Variants in OSMR observed in about 807,000 individuals in gnomAD.
OSMR encodes oncostatin-M-specific receptor subunit beta.
In OSMR, 81 loss-of-function variants were observed where a neutral mutation model predicts 99.9. That is an observed-to-expected ratio of 0.81 (90% CI 0.68 to 0.97). OSMR has a LOEUF of 0.97. Among genes scored for constraint, OSMR ranks in the 50% least tolerant of loss-of-function variants. The pLI is 0.00. For missense variants in OSMR, 1,099 were observed against 1,153.4 expected, an observed-to-expected ratio of 0.95 and a Z score of 0.68; for synonymous variants, 406 against 410.4, an observed-to-expected ratio of 0.99 and a Z score of 0.13.
intron 9 of OSMR, among the ~76,000 whole-genome samples, chr5:38,913,316 G>A (rs867618158): frequency 6.6e-6 from 1 of 152,048 alleles, no homozygotes; most frequent in African/African-American, 2.4e-5. Context: ...TTGGGAGGCC[G>A]AGGCAGGAGA....
intron 2 of OSMR, among the ~76,000 whole-genome samples, chr5:38,870,548 G>A (rs987694355): frequency 2.0e-5 from 3 of 152,062 alleles, no homozygotes; most frequent in Non-Finnish European, 2.9e-5. Context: ...AGGTGTAACC[G>A]AAATGCAGGT....
At chr5:38,847,494 C>CT (rs61244437) in intron 1 of OSMR, among the ~76,000 whole-genome samples, 37,590 of 152,022 alleles carry the variant, frequency 0.25, 4,873 homozygotes, top group South Asian at 0.4. Context: ...AGCTCAAACT[C>CT]TAAGACTGGG....
In OSMR at chr5:38,886,137, A is replaced by C. The variant is rs763467845; in HGVS notation, c.938A>C (p.Glu313Ala). Residue 313 changes from glutamate (E) to alanine (A), a missense_variant, in exon 7 of 18, where the codon GAA becomes GCA. Glu to Ala is a moderately radical substitution (Grantham distance 107). Transcript: ENST00000274276. Reference sequence around the variant, plus strand: ...ACCTATAACTTCACACTCATAGCTGAAAATTACTTAAGGAAGAGAAGTGTC... The same window carrying C: ...ACCTATAACTTCACACTCATAGCTGCAAATTACTTAAGGAAGAGAAGTGTC... ...QETYNFTLIA[E>A]NYLRKRSVNI... The C allele has an allele frequency of 1.4e-5, 23 of 1,613,996 alleles. No individual in the cohort carries two copies. The East Asian group carries it at 4.7e-4, about 33-fold the overall frequency.
chr5:38,857,111 T>A (rs992345330), intron 1 of OSMR, among the ~76,000 whole-genome samples: 2 of 152,198 alleles, frequency 1.3e-5, no homozygotes, highest in African/African-American at 4.8e-5. Context: ...TAGTCTTAAG[T>A]TTTTCTGCCC....
chr5:38,943,203 T>G, intron 1 of OSMR: 1 of 390,038 alleles, frequency 2.6e-6, no homozygotes, highest in East Asian at 3.9e-5. Context: ...ATACTTCTTG[T>G]AAAATTGAAG....
intron 1 of OSMR, among the ~76,000 whole-genome samples, chr5:38,862,776 G>A (rs1317870563): frequency 1.3e-5 from 2 of 152,116 alleles, no homozygotes; most frequent in Non-Finnish European, 2.9e-5. Flanking sequence ...GCCGGGCAGA[G>A]GCTGCAATCT....
intron 15 of OSMR, among the ~76,000 whole-genome samples, chr5:38,927,268 TC>T (rs1746513355): frequency 6.6e-6 from 1 of 152,178 alleles, no homozygotes; most frequent in African/African-American, 2.4e-5. Context: ...TTCTCACAGC[TC>T]CACTAGGCAG....
intron 7 of OSMR, among the ~76,000 whole-genome samples, chr5:38,900,748 G>A (rs923476098): frequency 6.9e-6 from 1 of 145,722 alleles, no homozygotes; most frequent in South Asian, 2.2e-4. Flanking sequence ...CTGGACAGAT[G>A]TCCTTGTAGA....
At chr5:38,923,308 A>G (rs1746321790) in intron 13 of OSMR, 54 bp downstream of exon 13, 1 of 1,124,878 alleles carries the variant, frequency 8.9e-7, no homozygotes, top group Admixed American at 1.7e-5. Context: ...AGAACAATTC[A>G]TAGATTCCTA....
intron 7 of OSMR, among the ~76,000 whole-genome samples, chr5:38,898,948 A>ATTTTTTT (rs1561381072): frequency 1.8e-5 from 2 of 108,952 alleles, no homozygotes; most frequent in Admixed American, 8.6e-5. Context: ...TTTACATAAT[A>ATTTTTTT]TCTTTTTTTT....
intron 1 of OSMR, among the ~76,000 whole-genome samples, chr5:38,861,975 A>T (rs1741403176): frequency 9.5e-6 from 1 of 105,378 alleles, no homozygotes; most frequent in Non-Finnish European, 1.9e-5. Context: ...CGGGGGACTG[A>T]CCCCCTCACC....
intron 11 of OSMR, among the ~76,000 whole-genome samples, chr5:38,920,696 A>G (rs1379320289): frequency 6.6e-6 from 1 of 152,218 alleles, no homozygotes. Flanking sequence ...CAGGTAAAAT[A>G]CAGGATGCCC....
chr5:38,874,516 T>C (rs1172624390), intron 2 of OSMR, among the ~76,000 whole-genome samples: 1 of 152,222 alleles, frequency 6.6e-6, no homozygotes, highest in African/African-American at 2.4e-5. Context: ...CTTTCTACTA[T>C]GTGGACCAAT....
chr5:38,929,412 T>C (rs1460929934), intron 15 of OSMR, among the ~76,000 whole-genome samples: 1 of 152,232 alleles, frequency 6.6e-6, no homozygotes, highest in Non-Finnish European at 1.5e-5. Flanking sequence ...TGTTTTTATA[T>C]TTGGACATTT....
At chr5:38,881,968 C>T (rs990925816) in intron 4 of OSMR, among the ~76,000 whole-genome samples, 1 of 152,326 alleles carries the variant, frequency 6.6e-6, no homozygotes, top group South Asian at 2.1e-4. Context: ...TGAACTTACT[C>T]ATTGAGATAG....
At chr5:38,854,014 C>A (rs1740659790) in intron 1 of OSMR, among the ~76,000 whole-genome samples, 1 of 151,092 alleles carries the variant, frequency 6.6e-6, no homozygotes, top group Non-Finnish European at 1.5e-5. Flanking sequence ...TTCAAAGGGG[C>A]TCTCAAATAT....
intron 17 of OSMR, 165 bp from the exon 18 acceptor site, chr5:38,932,707 A>T (rs770753706): frequency 1.2e-5 from 12 of 985,256 alleles, no homozygotes; most frequent in Non-Finnish European, 1.4e-5. Flanking sequence ...TTCTTCTGTC[A>T]GGGGAAATCT....
chr5:38,872,173 AC>A (rs1438145383), intron 2 of OSMR, among the ~76,000 whole-genome samples: 1 of 152,218 alleles, frequency 6.6e-6, no homozygotes, highest in Non-Finnish European at 1.5e-5. Context: ...CACTGACTTA[AC>A]CTTGGCATTT....
intron 1 of OSMR, among the ~76,000 whole-genome samples, chr5:38,868,476 G>T (rs573805336): frequency 4.6e-5 from 7 of 152,288 alleles, no homozygotes; most frequent in Middle Eastern, 3.4e-3. Flanking sequence ...ATCAGGGCCG[G>T]TCTTTTCTGT....
Sources: allele counts gnomAD v4.1 joint callset (sites outside exome capture counted in the v4.1 genomes callset), GRCh38; gene constraint gnomAD v4.1.1; transcripts MANE v1.5; gene names NCBI Gene and HGNC (gene_info 2026-07-23, HGNC 2026-07-21).